The following PLCB4 variants were observed in gnomAD, a reference collection of about 807,000 sequenced individuals.
PLCB4 encodes the protein 1-phosphatidylinositol 4,5-bisphosphate phosphodiesterase beta-4.
PLCB4 carries 77 observed loss-of-function variants against 178.8 expected under a neutral mutation model. The ratio of observed to expected loss-of-function variants is 0.43; its 90% CI spans 0.36 to 0.52. The LOEUF (loss-of-function observed/expected upper bound fraction) is 0.52, where lower values mean the gene tolerates loss of function less well. Among genes scored for constraint, PLCB4 ranks in the 20% least tolerant of loss-of-function variants. The probability of loss-of-function intolerance (pLI) is 0.00; values close to 1 mark genes in which losing one functional copy is unlikely to be tolerated. For missense variants in PLCB4, 1,024 were observed against 1,453.4 expected (o/e 0.70, Z 4.80); for synonymous variants, 496 against 490.8 (o/e 1.01, Z -0.14).
At chr20:9,237,934 C>A (rs1350781354) in intron 3 of PLCB4, among the ~76,000 whole-genome samples, 1 of 151,874 alleles carries the variant, frequency 6.6e-6, no homozygotes, top group Non-Finnish European at 1.5e-5. Context: ...TGGGCAGTGA[C>A]AAGGCAGAGA....
chr20:9,297,987 A>G (rs535034851), intron 3 of PLCB4, among the ~76,000 whole-genome samples: 110 of 152,232 alleles, frequency 7.2e-4, no homozygotes, highest in African/African-American at 2.6e-3. Flanking sequence ...GGCTCAGAAC[A>G]CAATACCTGA....
At chr20:9,474,649 A>T (rs544116243) in intron 38 of PLCB4, among the ~76,000 whole-genome samples, 15 of 152,216 alleles carry the variant, frequency 9.9e-5, no homozygotes, top group Non-Finnish European at 2.2e-4. Flanking sequence ...AGTAGGAATT[A>T]TACTAAAAAG....
In PLCB4 at chr20:9,421,201, C is replaced by A. The variant is rs2040607774; in HGVS notation, c.2155-96C>A. The A allele has an allele frequency of 4.4e-6, 4 of 911,790 alleles. No individual in the cohort carries two copies. In the Admixed American group the frequency reaches 9.8e-5, roughly 22 times the overall value. The allele number at this position is 911,790 out of a possible 1,614,324, so 56.5% of individuals were successfully genotyped here. On this transcript the variant is annotated intron_variant, in intron 26 of 39. Coordinates refer to ENST00000378473, the MANE Select transcript of PLCB4 (RefSeq NM_001377142.1). ...CATAGATAATTGAAATTCCTGCTCCCACCCAAAAGACAGAATTTCTTACTT... is the reference window on the plus strand; with the variant it reads ...CATAGATAATTGAAATTCCTGCTCCAACCCAAAAGACAGAATTTCTTACTT...
intron 3 of PLCB4, among the ~76,000 whole-genome samples, chr20:9,237,448 A>G (rs1270441698): frequency 1.3e-5 from 2 of 152,198 alleles, no homozygotes; most frequent in African/African-American, 2.4e-5. Flanking sequence ...TTTTTCTAGT[A>G]GGAGCTTGCT....
In PLCB4 at chr20:9,395,556, C is replaced by G; in HGVS notation, c.1448C>G (p.Ala483Gly). 1 of 1,613,820 alleles carries G rather than the reference C, an allele frequency of 6.2e-7. No homozygotes were observed. Among genetic ancestry groups the G allele is most frequent in the Non-Finnish European group, 8.5e-7 (1 of 1,179,796 alleles). ...GAAGCTTTGAGAAGCATGATGGAAG[C>G]TGGAGAATCTGCCTCCCCAGCAAAC... is the stretch of plus-strand genomic sequence containing the variant. ...QLEALRSMME[A>G]GESASPANIL... Residue 483 changes from alanine (A) to glycine (G), a missense_variant, in exon 19 of 40, where the codon GCT becomes GGT. By Grantham distance (60) the Ala-to-Gly change is moderately conservative. Transcript: ENST00000378473.
intron 8 of PLCB4, 26 bp from the exon 9 acceptor site, chr20:9,365,435 G>A (rs1021189007): frequency 1.3e-6 from 2 of 1,507,538 alleles, no homozygotes; most frequent in East Asian, 2.3e-5. Context: ...AAACATTAAG[G>A]CAATGTTATT....
intron 32 of PLCB4, among the ~76,000 whole-genome samples, chr20:9,448,003 T>A (rs1180763660): frequency 6.6e-6 from 1 of 152,208 alleles, no homozygotes; most frequent in Non-Finnish European, 1.5e-5. Context: ...TTCTTATGCC[T>A]ATCTGACACT....
At chr20:9,242,285 G>A (rs1165049094) in intron 3 of PLCB4, among the ~76,000 whole-genome samples, 2 of 152,170 alleles carry the variant, frequency 1.3e-5, no homozygotes, top group Non-Finnish European at 1.5e-5. Flanking sequence ...CCCAGTGCTC[G>A]CAGAGTGGAG....
intron 1 of PLCB4, among the ~76,000 whole-genome samples, chr20:9,094,896 C>A (rs1430315782): frequency 6.6e-6 from 1 of 152,160 alleles, no homozygotes. Flanking sequence ...AGCTTACCTG[C>A]AACTGTAGTT....
intron 16 of PLCB4, among the ~76,000 whole-genome samples, chr20:9,390,214 A>G (rs6086869): frequency 0.05 from 7,606 of 152,314 alleles, 265 homozygotes; most frequent in Non-Finnish European, 0.076. Context: ...TGTTCCAAAT[A>G]AAAGTTCAGA....
At chr20:9,366,965 C>T (rs1043590681) in intron 9 of PLCB4, among the ~76,000 whole-genome samples, 7 of 152,222 alleles carry the variant, frequency 4.6e-5, no homozygotes, top group Non-Finnish European at 5.9e-5. Context: ...TCACCGAGTG[C>T]GTAGCATCTG....
At chr20:9,073,777 A>C (rs939156343) in intron 1 of PLCB4, among the ~76,000 whole-genome samples, 1 of 152,056 alleles carries the variant, frequency 6.6e-6, no homozygotes, top group African/African-American at 2.4e-5. Context: ...AATCCTAGCT[A>C]CTTGGAAGGC....
At chr20:9,385,549 C>T (rs1172145657) in intron 14 of PLCB4, among the ~76,000 whole-genome samples, 2 of 149,628 alleles carry the variant, frequency 1.3e-5, no homozygotes, top group African/African-American at 5.0e-5. Context: ...GACGGGGTGG[C>T]GGCCGGGCAA....
At chr20:9,081,081 T>C (rs942232413) in intron 1 of PLCB4, among the ~76,000 whole-genome samples, 2 of 152,226 alleles carry the variant, frequency 1.3e-5, no homozygotes, top group Non-Finnish European at 2.9e-5. Context: ...TGTGCCTCCA[T>C]TCATGTCTTC....
chr20:9,321,698 C>A (rs1168542858), intron 4 of PLCB4, among the ~76,000 whole-genome samples: 1 of 151,998 alleles, frequency 6.6e-6, no homozygotes, highest in Non-Finnish European at 1.5e-5. Flanking sequence ...CCGTGGCATG[C>A]TCTGGGCTCA....
intron 3 of PLCB4, among the ~76,000 whole-genome samples, chr20:9,276,018 G>T (rs2094447295): frequency 6.6e-6 from 1 of 152,052 alleles, no homozygotes; most frequent in African/African-American, 2.4e-5. Flanking sequence ...TCAGGGGAGA[G>T]CACAGTAGGG....
intron 34 of PLCB4, among the ~76,000 whole-genome samples, chr20:9,458,313 G>T (rs1035265060): frequency 6.6e-6 from 1 of 152,176 alleles, no homozygotes; most frequent in Non-Finnish European, 1.5e-5. Flanking sequence ...GTGTCTTTAA[G>T]AGTTATTCCC....
chr20:9,221,455 G>T (rs755917424), intron 3 of PLCB4, among the ~76,000 whole-genome samples: 139 of 152,308 alleles, frequency 9.1e-4, no homozygotes, highest in Non-Finnish European at 1.2e-3. Context: ...CACACAAGAC[G>T]ATTAAAGGGA....
chr20:9,318,734 T>C (rs747795261), intron 4 of PLCB4, among the ~76,000 whole-genome samples: 17 of 152,228 alleles, frequency 1.1e-4, no homozygotes, highest in African/African-American at 2.2e-4. Flanking sequence ...CTAACTGTTA[T>C]AATTTTTCTC....
Sources: gnomAD v4.1 joint callset for allele counts (sites outside exome capture counted in the v4.1 genomes callset) on GRCh38, gnomAD v4.1.1 for gene constraint, MANE v1.5 for transcripts, NCBI Gene and HGNC (gene_info 2026-07-23, HGNC 2026-07-21) for gene names.